The following CRY2 variants were observed in gnomAD, a reference collection of about 807,000 sequenced individuals.
CRY2 encodes cryptochrome circadian regulator 2, also known as cryptochrome-2.
CRY2 carries 31 observed loss-of-function variants against 69.5 expected under a neutral mutation model. The observed-to-expected ratio is 0.45, with a 90% CI of 0.34 to 0.60. The LOEUF is 0.60. Ranked by LOEUF, CRY2 falls within the 20% of genes least tolerant of loss-of-function variation. CRY2 has a pLI of 0.02. For synonymous variants in CRY2, 303 were observed against 312.2 expected, an observed-to-expected ratio of 0.97 and a Z score of 0.31; for missense variants, 606 against 797.8, an observed-to-expected ratio of 0.76 and a Z score of 2.90.
At chr11:45,858,613 G>C in intron 2 of CRY2, 118 bp from the exon 3 acceptor site, 4 of 1,124,700 alleles carry the variant, frequency 3.6e-6, no homozygotes, top group Non-Finnish European at 4.9e-6. Context: ...AGTTTTTTCT[G>C]CTGCCCATCA....
At chr11:45,859,426 G>T (rs907528667) in intron 3 of CRY2, among the ~76,000 whole-genome samples, 1 of 152,074 alleles carries the variant, frequency 6.6e-6, no homozygotes, top group African/African-American at 2.4e-5. Context: ...GCCATGCATG[G>T]TGGGACATGC....
chr11:45,847,622 G>C lies in CRY2; in HGVS notation c.132G>C (p.Val44=), dbSNP rs375400175. The change falls in exon 1 of 12, where the codon GTG becomes GTC. Residue 44 remains valine, a synonymous_variant. Transcript: ENST00000616080. Reference sequence around the variant, plus strand: ...ACAACCCGGCGTTGCTGGCGGCCGTGCGCGGGGCGCGCTGCGTGCGCTGCG... The same window carrying C: ...ACAACCCGGCGTTGCTGGCGGCCGTCCGCGGGGCGCGCTGCGTGCGCTGCG... The part of the protein sequence containing the change: ...LHDNPALLAA[V]RGARCVRCVY... 109 of 1,602,852 alleles carry C rather than the reference G, an allele frequency of 6.8e-5. No individual in the cohort carries two copies. The highest frequency in any genetic ancestry group is 9.0e-5 in the Non-Finnish European group (106 of 1,175,758).
chr11:45,857,066 A>C (rs963178239), intron 2 of CRY2, among the ~76,000 whole-genome samples: 5 of 152,146 alleles, frequency 3.3e-5, no homozygotes, highest in Admixed American at 3.3e-4. Flanking sequence ...TAACTCCGAG[A>C]CAAAAGGAAA....
chr11:45,857,891 G>GTC (rs2086254700), intron 2 of CRY2, among the ~76,000 whole-genome samples: 1 of 152,226 alleles, frequency 6.6e-6, no homozygotes, highest in South Asian at 2.1e-4. Context: ...CAGTCCCCGG[G>GTC]CAGGGCTGAG....
In CRY2 at chr11:45,867,652, A is replaced by C. The variant is rs147066472; in HGVS notation, c.782A>C (p.Asn261Thr). The C allele has an allele frequency of 4.5e-5, 72 of 1,613,506 alleles. No homozygotes were observed. Among genetic ancestry groups the C allele is most frequent in the Non-Finnish European group, 5.5e-5 (65 of 1,179,874 alleles). The part of the protein sequence containing the change: ...ANYERPRMNA[N>T]SLLASPTGLS... ...TATGAGAGACCCCGAATGAACGCCA[A>C]CTCCCTCCTGGCCAGCCCCACAGGC... Residue 261 changes from asparagine (N) to threonine (T), a missense_variant, in exon 6 of 12, where the codon AAC becomes ACC. Physicochemically the swap from Asn to Thr is moderately conservative, Grantham distance 65. This residue lies in a region of CRY2 where 382 missense variants were observed against 508.9 expected (regional missense o/e 0.75). Coordinates refer to ENST00000616080, the MANE Select transcript of CRY2 (RefSeq NM_021117.5).
intron 1 of CRY2, among the ~76,000 whole-genome samples, chr11:45,851,205 C>T (rs954559515): frequency 6.6e-5 from 10 of 152,174 alleles, no homozygotes; most frequent in African/African-American, 2.4e-4. Context: ...CATTACCTTT[C>T]TCTCCCCACT....
chr11:45,870,039 C>T lies in CRY2; in HGVS notation c.1195-14C>T. On this transcript the variant is annotated splice_polypyrimidine_tract_variant and intron_variant, in intron 7 of 11. Coordinates refer to ENST00000616080, the MANE Select transcript of CRY2 (RefSeq NM_021117.5). ...ATGTCCCCAAGGAGGCTGATCATCC[C>T]CTCCCCTATCTAGGTATTTGATGAG... 1 of 1,582,028 alleles carries T rather than the reference C, an allele frequency of 6.3e-7. No individual in the cohort carries two copies. The highest frequency in any genetic ancestry group is 1.2e-5 in the South Asian group (1 of 86,722).
intron 6 of CRY2, 88 bp from the exon 7 acceptor site, chr11:45,869,418 C>A: frequency 7.1e-7 from 1 of 1,405,546 alleles, no homozygotes; most frequent in Non-Finnish European, 9.7e-7. Context: ...CTTTGGAGGG[C>A]CCAGATTCCT....
At chr11:45,855,294 G>C (rs1590762260) in intron 1 of CRY2, among the ~76,000 whole-genome samples, 1 of 152,254 alleles carries the variant, frequency 6.6e-6, no homozygotes, top group East Asian at 1.9e-4. Context: ...ACAAAGCTCT[G>C]GGAACTAGGG....
rs775409644 is a variant in CRY2, at chr11:45,882,778, A to C, written c.*1867A>C. ...GGGCAAATCTGAGAGTGGGAAGGCC[A>C]AAGGCCGAGGCCCAGATTTAGTATT... On this transcript the variant is annotated 3_prime_UTR_variant, in exon 12 of 12. Coordinates refer to ENST00000616080, the MANE Select transcript of CRY2 (RefSeq NM_021117.5). 10 of 398,580 alleles carry C rather than the reference A, an allele frequency of 2.5e-5. No homozygotes were observed. The highest frequency in any genetic ancestry group is 4.0e-5 in the Non-Finnish European group (9 of 226,086). The allele number at this position is 398,580 out of a possible 1,614,324, so 24.7% of individuals were successfully genotyped here.
Position 45,847,540 on chromosome 11 carries a change from C to T in CRY2, c.50C>T (p.Pro17Leu). The change falls in exon 1 of 12, where the codon CCC (proline) becomes CTC (leucine). Residue 17 changes from proline to leucine, a missense_variant. Around this residue, in one of 5 missense-constraint regions of CRY2, gnomAD observed 45 missense variants for 35.7 expected, o/e 1.26. Coordinates refer to ENST00000616080, the MANE Select transcript of CRY2 (RefSeq NM_021117.5). ...GCAGCTGTGGCCCCGGCGCCAGCGC[C>T]CGGCACGGACAGCGCCTCTTCGGTG... ...TAAAVAPAPAPGTDSASSVHW... is the reference protein window; with the variant it reads ...TAAAVAPAPALGTDSASSVHW... 6.3e-7 allele frequency: 1 copy of T among 1,587,808 alleles called. No homozygotes were observed. The highest frequency in any genetic ancestry group is 8.5e-7 in the Non-Finnish European group (1 of 1,171,126).
chr11:45,878,768 C>T (rs1161667591), intron 11 of CRY2, among the ~76,000 whole-genome samples: 1 of 150,604 alleles, frequency 6.6e-6, no homozygotes, highest in East Asian at 1.9e-4. Flanking sequence ...ACTAAAAGTA[C>T]AAAAATTAGT....
chr11:45,861,975 A>C (rs2086291445), intron 4 of CRY2, 85 bp from the exon 5 acceptor site: 5 of 1,184,930 alleles, frequency 4.2e-6, no homozygotes, highest in Non-Finnish European at 6.1e-6. Flanking sequence ...TTCAATTCTC[A>C]TAAAGTTCAA....
At chr11:45,873,529 A>G (rs1294663675) in intron 11 of CRY2, among the ~76,000 whole-genome samples, 3 of 152,318 alleles carry the variant, frequency 2.0e-5, no homozygotes, top group African/African-American at 7.2e-5. Flanking sequence ...CCAGGCTGAC[A>G]CTCTGATTTT....
rs745598668 is a variant in CRY2, at chr11:45,870,430, G to A, written c.1447G>A (p.Val483Met). ...GAAGGCAGCCAAGTGCATCATTGGT[G>A]TGGACTACCCACGGCCCATCGTCAA... is the stretch of plus-strand genomic sequence containing the variant. ...IQKAAKCIIGVDYPRPIVNHA... is the reference protein window; with the variant it reads ...IQKAAKCIIGMDYPRPIVNHA... The change falls in exon 9 of 12, where the codon GTG (valine) becomes ATG (methionine). Residue 483 changes from valine (V) to methionine (M), a missense_variant. Physicochemically the swap from Val to Met is conservative, Grantham distance 21. Transcript: ENST00000616080. The A allele has an allele frequency of 4.3e-6, 7 of 1,614,238 alleles. No individual in the cohort carries two copies. The highest frequency in any genetic ancestry group is 1.1e-5 in the South Asian group (1 of 91,086).
chr11:45,877,192 G>C (rs529070938), intron 11 of CRY2, among the ~76,000 whole-genome samples: 2 of 152,340 alleles, frequency 1.3e-5, no homozygotes, highest in Admixed American at 6.5e-5. Flanking sequence ...TGAGCTCAGA[G>C]CTTCAGCTCT....
intron 1 of CRY2, among the ~76,000 whole-genome samples, chr11:45,855,748 T>A (rs2086234221): frequency 6.6e-6 from 1 of 152,216 alleles, no homozygotes; most frequent in Non-Finnish European, 1.5e-5. Context: ...GCAAAGAGGT[T>A]AGGTTATTGC....
In CRY2 at chr11:45,862,168, C is replaced by T. The variant is rs1264853474; in HGVS notation, c.741+20C>T. The T allele has an allele frequency of 1.9e-6, 3 of 1,607,006 alleles. No individual in the cohort carries two copies. In the African/African-American group the frequency reaches 4.0e-5, roughly 22 times the overall value. The stretch of plus-strand genomic sequence containing the variant: ...CGGAAGGTATGGGCCGTTTCTGAGA[C>T]ACAGAGCTGCAGATACTGATATCCA... On this transcript the variant is annotated intron_variant, in intron 5 of 11. Coordinates refer to ENST00000616080, the MANE Select transcript of CRY2 (RefSeq NM_021117.5).
chr11:45,873,876 G>A (rs191279307), intron 11 of CRY2, among the ~76,000 whole-genome samples: 41 of 152,330 alleles, frequency 2.7e-4, no homozygotes, highest in Admixed American at 1.2e-3. Flanking sequence ...TGAGCAGGGC[G>A]CTTAGGACAA....
Sources: allele counts gnomAD v4.1 joint callset (sites outside exome capture counted in the v4.1 genomes callset), GRCh38; gene constraint gnomAD v4.1.1; regional missense constraint gnomAD v4.1.1; transcripts MANE v1.5; gene names NCBI Gene and HGNC (gene_info 2026-07-23, HGNC 2026-07-21).